Variants in SYNM observed in about 807,000 individuals in gnomAD.
SYNM encodes synemin.
A neutral mutation model predicts 104.0 loss-of-function variants in SYNM; 95 were observed. That is an observed-to-expected ratio of 0.91 (90% confidence interval 0.77 to 1.08). The LOEUF (loss-of-function observed/expected upper bound fraction) is 1.08, where lower values mean the gene tolerates loss of function less well. SYNM is among the 50% of genes least tolerant of loss of function. The pLI is 0.00. For synonymous variants in SYNM, 918 were observed against 869.0 expected, an observed-to-expected ratio of 1.06 and a Z score of -0.99; for missense variants, 2,150 against 2,052.2, an observed-to-expected ratio of 1.05 and a Z score of -0.92.
chr15:99,130,456 C>A lies in SYNM; in HGVS notation c.2096C>A (p.Ser699Tyr), dbSNP rs1555485607. 1.2e-6 allele frequency: 2 copies of A among 1,613,816 alleles called. No individual in the cohort carries two copies. The highest frequency in any genetic ancestry group is 3.3e-5 in the Admixed American group (2 of 60,018). ...ESKLTEDVDV[S>Y]DEAGLDYLLS... ...AAACTGACTGAGGATGTTGATGTTTCCGATGAAGCTGGCCTGGACTACCTT... is the reference window on the plus strand; with the variant it reads ...AAACTGACTGAGGATGTTGATGTTTACGATGAAGCTGGCCTGGACTACCTT... The change falls in exon 4 of 4, where the codon TCC (serine) becomes TAC (tyrosine). Residue 699 changes from serine (S) to tyrosine (Y), a missense_variant. Physicochemically the swap from Ser to Tyr is moderately radical, Grantham distance 144 (BLOSUM62 -2). Coordinates refer to ENST00000336292, the MANE Select transcript of SYNM (RefSeq NM_145728.3).
chr15:99,129,723 A>G lies in SYNM; in HGVS notation c.1363A>G (p.Arg455Gly), dbSNP rs1002572046. 6.8e-6 allele frequency: 11 copies of G among 1,613,694 alleles called. No homozygotes were observed. The highest frequency in any genetic ancestry group is 1.7e-5 in the Admixed American group (1 of 59,996). The change falls in exon 4 of 4, where the codon AGG becomes GGG. Residue 455 changes from arginine to glycine, a missense_variant. Coordinates refer to ENST00000336292, the MANE Select transcript of SYNM (RefSeq NM_145728.3). ...TGACAGACCAAAAGCCGGAGATACA[A>G]GGGAGGTCCCCGTTTACATAGGTGA... ...FPDRPKAGDT[R>G]EVPVYIGEDS...
chr15:99,110,000 G>A (rs1439471846), intron 1 of SYNM, among the ~76,000 whole-genome samples: 3 of 152,198 alleles, frequency 2.0e-5, no homozygotes, highest in African/African-American at 4.8e-5. Flanking sequence ...AATAGACTGA[G>A]TGGACTCAGG....
At position 99,105,948 on chromosome 15, in the gene SYNM, G is replaced by C; in HGVS notation, c.749G>C (p.Arg250Pro). Residue 250 changes from arginine (R) to proline (P), a missense_variant, in exon 1 of 4, where the codon CGG becomes CCG. Transcript: ENST00000336292. ...EALGLEQLRA[R>P]LEDALLRMRE... ...CTCGGGTTGGAGCAGCTGCGCGCGC[G>C]GCTGGAGGACGCGCTGCTGCGGATG... The C allele has an allele frequency of 6.6e-7, 1 of 1,520,982 alleles. No homozygotes were observed. Among genetic ancestry groups the C allele is most frequent in the Non-Finnish European group, 8.8e-7 (1 of 1,140,348 alleles). The allele number at this position is 1,520,982 out of a possible 1,614,324, so 94.2% of individuals were successfully genotyped here.
rs1555485825 is a variant in SYNM, at chr15:99,131,295, C to T, written c.2935C>T (p.Pro979Ser). The T allele has an allele frequency of 1.2e-6, 2 of 1,612,268 alleles. No homozygotes were observed. Among genetic ancestry groups the T allele is most frequent in the Admixed American group, 1.7e-5 (1 of 59,784 alleles). The change falls in exon 4 of 4, where the codon CCG becomes TCG. Residue 979 changes from proline to serine, a missense_variant. By Grantham distance (74) the Pro-to-Ser change is moderately conservative. Coordinates refer to ENST00000336292, the MANE Select transcript of SYNM (RefSeq NM_145728.3). The surrounding 1 kb of genome is among the most constrained non-coding windows in gnomAD (Gnocchi z 4.3). ...SALTREGQGG[P>S]GSVSVDVKKV... ...CCTCACCAGAGAGGGGCAGGGTGGG[C>T]CGGGGAGCGTTTCCGTGGATGTCAA...
At chr15:99,112,903 G>A (rs1182301832) in intron 1 of SYNM, among the ~76,000 whole-genome samples, 2 of 152,102 alleles carry the variant, frequency 1.3e-5, no homozygotes, top group African/African-American at 2.4e-5. Context: ...TAGAGACAGG[G>A]TTTTGCCATA....
chr15:99,129,979 A>T lies in SYNM; in HGVS notation c.1619A>T (p.Glu540Val). The T allele has an allele frequency of 6.2e-7, 1 of 1,612,384 alleles. No homozygotes were observed. Among genetic ancestry groups the T allele is most frequent in the African/African-American group, 1.3e-5 (1 of 75,006 alleles). Reference protein sequence around the residue: ...KASEERNLRWEELTKLDKEAR... With the variant: ...KASEERNLRWVELTKLDKEAR... ...TCCGAGGAGAGAAACCTAAGATGGGAAGAATTGACAAAGTTAGATAAGGAA... is the reference window on the plus strand; with the variant it reads ...TCCGAGGAGAGAAACCTAAGATGGGTAGAATTGACAAAGTTAGATAAGGAA... Residue 540 changes from glutamate (E) to valine (V), a missense_variant, in exon 4 of 4, where the codon GAA (glutamate) becomes GTA (valine). Coordinates refer to ENST00000336292, the MANE Select transcript of SYNM (RefSeq NM_145728.3).
In SYNM at chr15:99,132,453, G is replaced by C; in HGVS notation, c.4093G>C (p.Val1365Leu). 1 of 1,613,972 alleles carries C rather than the reference G, an allele frequency of 6.2e-7. No individual in the cohort carries two copies. The highest frequency in any genetic ancestry group is 8.5e-7 in the Non-Finnish European group (1 of 1,179,894). ...THSHTSGRQT[V>L]MTEKSTFQSV... is the part of the protein sequence containing the mutation. The stretch of plus-strand genomic sequence containing the variant: ...CAGTCATACCTCGGGTAGACAAACC[G>C]TTATGACTGAAAAGAGCACCTTCCA... Residue 1365 changes from valine (V) to leucine (L), a missense_variant, in exon 4 of 4, where the codon GTT becomes CTT. Val to Leu is a conservative substitution (Grantham distance 32). Transcript: ENST00000336292.
downstream of SYNM, chr15:99,139,297 T>C: frequency 6.2e-7 from 1 of 1,608,854 alleles, no homozygotes; most frequent in African/African-American, 1.3e-5. Flanking sequence ...ATAGAGAAAG[T>C]GTGAGGGACG....
chr15:99,138,096 C>T (rs782004348), downstream of SYNM: 9 of 1,613,218 alleles, frequency 5.6e-6, no homozygotes, highest in Admixed American at 1.5e-4. Flanking sequence ...GCTTTTGATG[C>T]CTGCCTTGGC....
chr15:99,126,573 G>A lies in SYNM; in HGVS notation c.936-149G>A, dbSNP rs1308487896. ...GGTGGGTGGGCTTGCCAGCCCTATG[G>A]TGCAGCCCTGCCCAAGTCTCCTCTT... On this transcript the variant is annotated intron_variant, in intron 2 of 3. Coordinates refer to ENST00000336292, the MANE Select transcript of SYNM (RefSeq NM_145728.3). 27 of 807,796 alleles carry A rather than the reference G, an allele frequency of 3.3e-5. No individual in the cohort carries two copies. In the African/African-American group the frequency reaches 4.3e-4, roughly 13 times the overall value. The allele number at this position is 807,796 out of a possible 1,614,324, so 50.0% of individuals were successfully genotyped here.
intron 1 of SYNM, among the ~76,000 whole-genome samples, chr15:99,108,490 T>C (rs11630908): frequency 0.041 from 6,216 of 152,266 alleles, 173 homozygotes; most frequent in Non-Finnish European, 0.063. Context: ...TTTTTTCGGG[T>C]TCTGTAGAAG....
In SYNM at chr15:99,130,436, G is replaced by A; in HGVS notation, c.2076G>A (p.Leu692=). 2 of 1,613,850 alleles carry A rather than the reference G, an allele frequency of 1.2e-6. No homozygotes were observed. The highest frequency in any genetic ancestry group is 1.1e-5 in the South Asian group (1 of 91,050). Residue 692 remains leucine, a synonymous_variant, in exon 4 of 4, where the codon CTG becomes CTA. Transcript: ENST00000336292. Reference sequence around the variant, plus strand: ...CTGAAATAGTTGTGGAGTCTAAACTGACTGAGGATGTTGATGTTTCCGATG... The same window carrying A: ...CTGAAATAGTTGTGGAGTCTAAACTAACTGAGGATGTTGATGTTTCCGATG... ...TKTEIVVESK[L]TEDVDVSDEA...
intron 1 of SYNM, among the ~76,000 whole-genome samples, chr15:99,109,192 A>G (rs55905808): frequency 0.37 from 55,562 of 152,022 alleles, 10,396 homozygotes; most frequent in Middle Eastern, 0.5. Context: ...GGCGGTAGTC[A>G]TTGGCCTGCC....
chr15:99,132,624 C>T lies in SYNM; in HGVS notation c.4264C>T (p.Pro1422Ser), dbSNP rs1490266679. 6.2e-7 allele frequency: 1 copy of T among 1,614,022 alleles called. No individual in the cohort carries two copies. The highest frequency in any genetic ancestry group is 1.3e-5 in the African/African-American group (1 of 75,050). The change falls in exon 4 of 4, where the codon CCC (proline) becomes TCC (serine). Residue 1422 changes from proline to serine, a missense_variant. Transcript: ENST00000336292. ...ETSEHIAIRG[P>S]VSRTFVLAGS... is the part of the protein sequence containing the mutation. ...CTCTGAACACATTGCCATCCGTGGA[C>T]CCGTGTCCAGAACATTTGTGCTTGC...
rs782401269 is a variant in SYNM, at chr15:99,132,646, T to C, written c.4286T>C (p.Leu1429Pro). ...GGACCCGTGTCCAGAACATTTGTGCTTGCTGGTTCAGCGGACTCCCCTGAG... is the reference window on the plus strand; with the variant it reads ...GGACCCGTGTCCAGAACATTTGTGCCTGCTGGTTCAGCGGACTCCCCTGAG... ...IRGPVSRTFV[L>P]AGSADSPELG... is the part of the protein sequence containing the mutation. Residue 1429 changes from leucine (L) to proline (P), a missense_variant, in exon 4 of 4, where the codon CTT becomes CCT. By Grantham distance (98) the Leu-to-Pro change is moderately conservative. Transcript: ENST00000336292. 3 of 1,614,058 alleles carry C rather than the reference T, an allele frequency of 1.9e-6. No homozygotes were observed. In the South Asian group the frequency reaches 3.3e-5, roughly 18 times the overall value.
intron 2 of SYNM, among the ~76,000 whole-genome samples, chr15:99,117,550 C>A (rs1467385488): frequency 1.3e-5 from 2 of 152,230 alleles, no homozygotes; most frequent in African/African-American, 2.4e-5. Flanking sequence ...CTTTTCCCTG[C>A]AGGGCAGTTG....
chr15:99,137,648 C>T (rs761365061), downstream of SYNM: 3 of 218,562 alleles, frequency 1.4e-5, no homozygotes, highest in South Asian at 9.6e-5. Flanking sequence ...TAACTCCACA[C>T]CTATGCAAGG....
chr15:99,132,621 G>A lies in SYNM; in HGVS notation c.4261G>A (p.Gly1421Arg), dbSNP rs556163756. The part of the protein sequence containing the change: ...TETSEHIAIR[G>R]PVSRTFVLAG... ...AACCTCTGAACACATTGCCATCCGT[G>A]GACCCGTGTCCAGAACATTTGTGCT... is the stretch of plus-strand genomic sequence containing the variant. The change falls in exon 4 of 4, where the codon GGA (glycine) becomes AGA (arginine). Residue 1421 changes from glycine to arginine, a missense_variant. Transcript: ENST00000336292. The A allele has an allele frequency of 3.7e-6, 6 of 1,614,008 alleles. No homozygotes were observed. In the African/African-American group the frequency reaches 8.0e-5, roughly 22 times the overall value.
chr15:99,129,765 C>T lies in SYNM; in HGVS notation c.1405C>T (p.Arg469Cys), dbSNP rs782628242. 8.1e-6 allele frequency: 13 copies of T among 1,613,324 alleles called. No homozygotes were observed. Among genetic ancestry groups the T allele is most frequent in the Middle Eastern group, 1.6e-4 (1 of 6,084 alleles). ...CATAGGTGAAGATTCCACAATTGCCCGCGAGTCGTACCGGGATCGCCGAGA... is the reference window on the plus strand; with the variant it reads ...CATAGGTGAAGATTCCACAATTGCCTGCGAGTCGTACCGGGATCGCCGAGA... ...VYIGEDSTIARESYRDRRDKV... is the reference protein window; with the variant it reads ...VYIGEDSTIACESYRDRRDKV... The change falls in exon 4 of 4, where the codon CGC (arginine) becomes TGC (cysteine). Residue 469 changes from arginine (R) to cysteine (C), a missense_variant. Physicochemically the swap from Arg to Cys is radical, Grantham distance 180 (BLOSUM62 -3). Transcript: ENST00000336292.
Sources: allele counts gnomAD v4.1 joint callset (sites outside exome capture counted in the v4.1 genomes callset), GRCh38; gene constraint gnomAD v4.1.1; non-coding constraint Gnocchi (gnomAD v3.1); transcripts MANE v1.5; gene names NCBI Gene and HGNC (gene_info 2026-07-23, HGNC 2026-07-21).